Variants in MC1R observed in about 807,000 individuals in gnomAD.
MC1R encodes melanocyte-stimulating hormone receptor.
For missense variants in MC1R, 542 were observed against 430.0 expected, an observed-to-expected ratio of 1.26 and a Z score of -2.30; for synonymous variants, 263 against 203.8, an observed-to-expected ratio of 1.29 and a Z score of -2.47.
At position 89,920,357 on chromosome 16, in the gene MC1R, T is replaced by A; in HGVS notation, c.*145T>A. 2 of 728,404 alleles carry A rather than the reference T, an allele frequency of 2.7e-6. No homozygotes were observed. Among genetic ancestry groups the A allele is most frequent in the East Asian group, 2.7e-5 (1 of 37,022 alleles). The allele number at this position is 728,404 out of a possible 1,614,324, so 45.1% of individuals were successfully genotyped here. A position where few individuals can be genotyped will look rare whatever the true frequency, so the allele number is the denominator to read the frequency against. On this transcript the variant is annotated 3_prime_UTR_variant, in exon 1 of 1. Coordinates refer to ENST00000555147, the MANE Select transcript of MC1R (RefSeq NM_002386.4). ...TGGACTAAATGATCTCTGAAAGTGT[T>A]GAAGCGCGGACCCTTCTGGGTCCAG...
Position 89,919,487 on chromosome 16 carries a change from A to G in MC1R, c.229A>G (p.Ile77Val). ...CCTGCACTCACCCATGTACTGCTTC[A>G]TCTGCTGCCTGGCCTTGTCGGACCT... ...RNLHSPMYCF[I>V]CCLALSDLLV... Residue 77 changes from isoleucine to valine, a missense_variant, in exon 1 of 1, where the codon ATC becomes GTC. Coordinates refer to ENST00000555147, the MANE Select transcript of MC1R (RefSeq NM_002386.4). 6.2e-7 allele frequency: 1 copy of G among 1,613,328 alleles called. No individual in the cohort carries two copies. Among genetic ancestry groups the G allele is most frequent in the Non-Finnish European group, 8.5e-7 (1 of 1,179,848 alleles).
At position 89,920,651 on chromosome 16, in the gene MC1R, G is replaced by C; in HGVS notation, c.*439G>C. The C allele has an allele frequency of 1.4e-6, 1 of 716,550 alleles. No homozygotes were observed. The highest frequency in any genetic ancestry group is 2.0e-5 in the Admixed American group (1 of 49,864). The allele number at this position is 716,550 out of a possible 1,614,324, so 44.4% of individuals were successfully genotyped here. On this transcript the variant is annotated 3_prime_UTR_variant, in exon 1 of 1. Coordinates refer to ENST00000555147, the MANE Select transcript of MC1R (RefSeq NM_002386.4). ...GTCTCTGGGTGGAAGTGTGTGCCAAGAGCTACTCCCACAGCAGCCCCAGGA... is the reference window on the plus strand; with the variant it reads ...GTCTCTGGGTGGAAGTGTGTGCCAACAGCTACTCCCACAGCAGCCCCAGGA...
Position 89,920,087 on chromosome 16 carries a change from T to G in MC1R, c.829T>G (p.Phe277Val). Residue 277 changes from phenylalanine (F) to valine (V), a missense_variant, in exon 1 of 1, where the codon TTC becomes GTC. Coordinates refer to ENST00000555147, the MANE Select transcript of MC1R (RefSeq NM_002386.4). ...CGAGCACCCCACGTGCGGCTGCATC[T>G]TCAAGAACTTCAACCTCTTTCTCGC... The part of the protein sequence containing the change: ...CPEHPTCGCI[F>V]KNFNLFLALI... 1 of 1,613,922 alleles carries G rather than the reference T, an allele frequency of 6.2e-7. No homozygotes were observed. Among genetic ancestry groups the G allele is most frequent in the Non-Finnish European group, 8.5e-7 (1 of 1,179,880 alleles).
rs1406813539 is a variant in MC1R, at chr16:89,920,736, A to G, written c.*524A>G. 1 of 715,732 alleles carries G rather than the reference A, an allele frequency of 1.4e-6. No homozygotes were observed. Among genetic ancestry groups the G allele is most frequent in the Non-Finnish European group, 2.6e-6 (1 of 384,356 alleles). The allele number at this position is 715,732 out of a possible 1,614,324, so 44.3% of individuals were successfully genotyped here. A position where few individuals can be genotyped will look rare whatever the true frequency, so the allele number is the denominator to read the frequency against. ...GCCTTGCAGCGGCTCCTGCAAAAGG[A>G]GGTGAAATCCCTGCCTCAGGCCAAG... On this transcript the variant is annotated 3_prime_UTR_variant, in exon 1 of 1. Transcript: ENST00000555147.
chr16:89,919,225 T>TC lies in MC1R; in HGVS notation c.-32dup, dbSNP rs541142974. 1.4e-4 allele frequency: 208 copies of TC among 1,454,278 alleles called. 2 individuals are homozygous for TC. The South Asian group carries it at 2.6e-3, about 18-fold the overall frequency. The allele number at this position is 1,454,278 out of a possible 1,614,324, so 90.1% of individuals were successfully genotyped here. A position where few individuals can be genotyped will look rare whatever the true frequency, so the allele number is the denominator to read the frequency against. Reference sequence around the variant, plus strand: ...GAAGAACTGTGGGGACCTGGAGGCCTCCAACGACTCCTTCCTGCTTCCTGG... The same window carrying TC: ...GAAGAACTGTGGGGACCTGGAGGCCTCCCAACGACTCCTTCCTGCTTCCTGG... On this transcript the variant is annotated 5_prime_UTR_variant, in exon 1 of 1. Transcript: ENST00000555147.
At position 89,920,617 on chromosome 16, in the gene MC1R, G is replaced by C. The variant is rs1001383939; in HGVS notation, c.*405G>C. 11 of 705,424 alleles carry C rather than the reference G, an allele frequency of 1.6e-5. No homozygotes were observed. Among genetic ancestry groups the C allele is most frequent in the Admixed American group, 1.1e-4 (5 of 47,210 alleles). 43.7% of individuals were successfully genotyped at this position (705,424 alleles called of 1,614,324 possible). ...CTCAGGACCGTGCCCTCGTCAGCTG[G>C]GATGTGAAGTCTCTGGGTGGAAGTG... is the stretch of plus-strand genomic sequence containing the variant. On this transcript the variant is annotated 3_prime_UTR_variant, in exon 1 of 1. Coordinates refer to ENST00000555147, the MANE Select transcript of MC1R (RefSeq NM_002386.4).
Position 89,919,147 on chromosome 16 carries a change from G to T in MC1R, c.-112G>T, listed in dbSNP as rs1417846239. 2.5e-5 allele frequency: 18 copies of T among 732,858 alleles called. No individual in the cohort carries two copies. Among genetic ancestry groups the T allele is most frequent in the Non-Finnish European group, 3.3e-5 (15 of 448,394 alleles). 45.4% of individuals were successfully genotyped at this position (732,858 alleles called of 1,614,324 possible). ...CCAGATGGAAGGAGGCAGGCATGGG[G>T]GACACCCAAGGCCCCCTGGCAGCAC... On this transcript the variant is annotated 5_prime_UTR_variant, in exon 1 of 1. The change creates a premature stop within an existing upstream ORF in the 5' untranslated region. Transcript: ENST00000555147.
chr16:89,919,760 A>C lies in MC1R; in HGVS notation c.502A>C (p.Ile168Leu). 1 of 1,608,598 alleles carries C rather than the reference A, an allele frequency of 6.2e-7. No homozygotes were observed. Among genetic ancestry groups the C allele is most frequent in the Non-Finnish European group, 8.5e-7 (1 of 1,179,816 alleles). Residue 168 changes from isoleucine (I) to leucine (L), a missense_variant, in exon 1 of 1, where the codon ATC (isoleucine) becomes CTC (leucine). Transcript: ENST00000555147. ...LPRARRAVAA[I>L]WVASVVFSTL... is the part of the protein sequence containing the mutation. ...GCGGGCGCGGCGAGCCGTTGCGGCC[A>C]TCTGGGTGGCCAGTGTCGTCTTCAG...
Position 89,920,637 on chromosome 16 carries a change from G to A in MC1R, c.*425G>A, listed in dbSNP as rs892022266. The stretch of plus-strand genomic sequence containing the variant: ...AGCTGGGATGTGAAGTCTCTGGGTG[G>A]AAGTGTGTGCCAAGAGCTACTCCCA... On this transcript the variant is annotated 3_prime_UTR_variant, in exon 1 of 1. Coordinates refer to ENST00000555147, the MANE Select transcript of MC1R (RefSeq NM_002386.4). The A allele has an allele frequency of 3.8e-5, 27 of 714,186 alleles. No homozygotes were observed. The highest frequency in any genetic ancestry group is 3.0e-4 in the African/African-American group (17 of 57,114). 44.2% of individuals were successfully genotyped at this position (714,186 alleles called of 1,614,324 possible).
In MC1R at chr16:89,919,919, A is replaced by G. The variant is rs1365988597; in HGVS notation, c.661A>G (p.Ile221Val). ...CCGGGCCTGCCAGCACGCCCAGGGC[A>G]TCGCCCGGCTCCACAAGAGGCAGCG... ...LARACQHAQG[I>V]ARLHKRQRPV... Residue 221 changes from isoleucine (I) to valine (V), a missense_variant, in exon 1 of 1, where the codon ATC (isoleucine) becomes GTC (valine). Coordinates refer to ENST00000555147, the MANE Select transcript of MC1R (RefSeq NM_002386.4). 11 of 1,609,206 alleles carry G rather than the reference A, an allele frequency of 6.8e-6. No homozygotes were observed. The highest frequency in any genetic ancestry group is 9.3e-6 in the Non-Finnish European group (11 of 1,179,818).
rs34540312 is a variant in MC1R at position 89,919,523 on chromosome 16, G to A, written c.265G>A (p.Gly89Arg). Residue 89 changes from glycine (G) to arginine (R), a missense_variant, in exon 1 of 1, where the codon GGG (glycine) becomes AGG (arginine). Gly to Arg is a moderately radical substitution (Grantham distance 125, BLOSUM62 -2). Transcript: ENST00000555147. The part of the protein sequence containing the change: ...CLALSDLLVS[G>R]SNVLETAVIL... ...GGCCTTGTCGGACCTGCTGGTGAGC[G>A]GGAGCAACGTGCTGGAGACGGCCGT... is the stretch of plus-strand genomic sequence containing the variant. The A allele has an allele frequency of 9.1e-5, 147 of 1,613,040 alleles. No homozygotes were observed. The African/African-American group carries it at 1.5e-3, about 16-fold the overall frequency.
rs3212364 is a variant in MC1R at position 89,919,576 on chromosome 16, G to A, written c.318G>A (p.Leu106=). Residue 106 remains leucine, a synonymous_variant, in exon 1 of 1, where the codon CTG becomes CTA. Transcript: ENST00000555147. ...TCCTCCTGCTGGAGGCCGGTGCACT[G>A]GTGGCCCGGGCTGCGGTGCTGCAGC... ...AVILLLEAGA[L]VARAAVLQQL... is the part of the protein sequence containing the mutation. 3,190 of 1,611,086 alleles carry A rather than the reference G, an allele frequency of 2.0e-3. 63 individuals carry two copies. The African/African-American group carries it at 0.038, about 19-fold the overall frequency.
In MC1R at chr16:89,919,018, C is replaced by T. The variant is rs1028300171; in HGVS notation, c.-241C>T. The T allele has an allele frequency of 1.8e-6, 1 of 546,714 alleles. No individual in the cohort carries two copies. The highest frequency in any genetic ancestry group is 3.2e-5 in the Admixed American group (1 of 31,050). The allele number at this position is 546,714 out of a possible 1,614,324, so 33.9% of individuals were successfully genotyped here. A position where few individuals can be genotyped will look rare whatever the true frequency, so the allele number is the denominator to read the frequency against. ...GGACCAGGCTTGGTTGTGAGAATCC[C>T]TGAGCCCAGGCGGTAGATGCCAGGA... On this transcript the variant is annotated 5_prime_UTR_variant, in exon 1 of 1. Coordinates refer to ENST00000555147, the MANE Select transcript of MC1R (RefSeq NM_002386.4).
At position 89,920,174 on chromosome 16, in the gene MC1R, C is replaced by G; in HGVS notation, c.916C>G (p.Arg306Gly). ...CTACGCCTTCCACAGCCAGGAGCTC[C>G]GCAGGACGCTCAAGGAGGTGCTGAC... ...LIYAFHSQEL[R>G]RTLKEVLTCS... Residue 306 changes from arginine (R) to glycine (G), a missense_variant, in exon 1 of 1, where the codon CGC becomes GGC. Transcript: ENST00000555147. The G allele has an allele frequency of 6.2e-7, 1 of 1,614,038 alleles. No individual in the cohort carries two copies. The highest frequency in any genetic ancestry group is 8.5e-7 in the Non-Finnish European group (1 of 1,179,886).
At position 89,919,973 on chromosome 16, in the gene MC1R, G is replaced by T. The variant is rs753883273; in HGVS notation, c.715G>T (p.Gly239Cys). 5 of 1,613,016 alleles carry T rather than the reference G, an allele frequency of 3.1e-6. No homozygotes were observed. Among genetic ancestry groups the T allele is most frequent in the Non-Finnish European group, 4.2e-6 (5 of 1,179,882 alleles). Residue 239 changes from glycine to cysteine, a missense_variant, in exon 1 of 1, where the codon GGC (glycine) becomes TGC (cysteine). Coordinates refer to ENST00000555147, the MANE Select transcript of MC1R (RefSeq NM_002386.4). The part of the protein sequence containing the change: ...RPVHQGFGLK[G>C]AVTLTILLGI... ...GGTCCACCAGGGCTTTGGCCTTAAA[G>T]GCGCTGTCACCCTCACCATCCTGCT...
chr16:89,919,229 A>C lies in MC1R; in HGVS notation c.-30A>C. 6.8e-7 allele frequency: 1 copy of C among 1,469,808 alleles called. No homozygotes were observed. Among genetic ancestry groups the C allele is most frequent in the Non-Finnish European group, 9.2e-7 (1 of 1,091,656 alleles). 91.0% of individuals were successfully genotyped at this position (1,469,808 alleles called of 1,614,324 possible). On this transcript the variant is annotated 5_prime_UTR_variant, in exon 1 of 1. Transcript: ENST00000555147. ...AACTGTGGGGACCTGGAGGCCTCCA[A>C]CGACTCCTTCCTGCTTCCTGGACAG...
Position 89,919,504 on chromosome 16 carries a change from G to A in MC1R, c.246G>A (p.Leu82=), listed in dbSNP as rs1414075413. The change falls in exon 1 of 1, where the codon TTG becomes TTA. Residue 82 remains leucine, a synonymous_variant. Transcript: ENST00000555147. The part of the protein sequence containing the change: ...PMYCFICCLA[L]SDLLVSGSNV... ...ACTGCTTCATCTGCTGCCTGGCCTT[G>A]TCGGACCTGCTGGTGAGCGGGAGCA... 6.2e-7 allele frequency: 1 copy of A among 1,613,044 alleles called. No individual in the cohort carries two copies. The highest frequency in any genetic ancestry group is 1.3e-5 in the African/African-American group (1 of 74,936).
In MC1R at chr16:89,919,488, T is replaced by C. The variant is rs778914708; in HGVS notation, c.230T>C (p.Ile77Thr). ...CTGCACTCACCCATGTACTGCTTCATCTGCTGCCTGGCCTTGTCGGACCTG... is the reference window on the plus strand; with the variant it reads ...CTGCACTCACCCATGTACTGCTTCACCTGCTGCCTGGCCTTGTCGGACCTG... ...RNLHSPMYCFICCLALSDLLV... is the reference protein window; with the variant it reads ...RNLHSPMYCFTCCLALSDLLV... Residue 77 changes from isoleucine to threonine, a missense_variant, in exon 1 of 1, where the codon ATC (isoleucine) becomes ACC (threonine). Ile to Thr is a moderately conservative substitution (Grantham distance 89). Transcript: ENST00000555147. 4 of 1,613,314 alleles carry C rather than the reference T, an allele frequency of 2.5e-6. No homozygotes were observed. In the South Asian group the frequency reaches 3.3e-5, roughly 13 times the overall value.
At position 89,919,576 on chromosome 16, in the gene MC1R, G is replaced by T. The variant is rs3212364; in HGVS notation, c.318G>T (p.Leu106=). Residue 106 remains leucine (L), a synonymous_variant, in exon 1 of 1, where the codon CTG becomes CTT. Coordinates refer to ENST00000555147, the MANE Select transcript of MC1R (RefSeq NM_002386.4). ...AVILLLEAGA[L]VARAAVLQQL... ...TCCTCCTGCTGGAGGCCGGTGCACT[G>T]GTGGCCCGGGCTGCGGTGCTGCAGC... is the stretch of plus-strand genomic sequence containing the variant. 6.2e-7 allele frequency: 1 copy of T among 1,611,086 alleles called. No homozygotes were observed. The highest frequency in any genetic ancestry group is 1.3e-5 in the African/African-American group (1 of 75,062).
Sources: allele counts gnomAD v4.1 joint callset, GRCh38; gene constraint gnomAD v4.1.1; transcripts MANE v1.5; gene names NCBI Gene and HGNC (gene_info 2026-07-23, HGNC 2026-07-21).